Variants in SLC6A17 observed in about 807,000 individuals in gnomAD.
The protein encoded by SLC6A17 is sodium-dependent neutral amino acid transporter SLC6A17.
In SLC6A17, 21 loss-of-function variants were observed where a neutral mutation model predicts 64.5. The ratio of observed to expected loss-of-function variants is 0.33; its 90% confidence interval spans 0.23 to 0.47. The LOEUF is 0.47. SLC6A17 is among the 20% of genes least tolerant of loss of function. SLC6A17 has a pLI of 1.00. For synonymous variants in SLC6A17, 372 were observed against 399.5 expected, an observed-to-expected ratio of 0.93 and a Z score of 0.82; for missense variants, 682 against 963.2, an observed-to-expected ratio of 0.71 and a Z score of 3.86.
At chr1:110,161,570 A>G (rs544608106) in intron 1 of SLC6A17, among the ~76,000 whole-genome samples, 1 of 152,180 alleles carries the variant, frequency 6.6e-6, no homozygotes, top group African/African-American at 2.4e-5. Flanking sequence ...TGGTCGTTGT[A>G]ATTAGGTGAC....
chr1:110,172,141 G>T lies in SLC6A17; in HGVS notation c.368G>T (p.Arg123Met), dbSNP rs1348598187. The change falls in exon 3 of 12, where the codon AGG becomes ATG. Residue 123 changes from arginine to methionine, a missense_variant. Around this residue, in one of 3 missense-constraint regions of SLC6A17, gnomAD observed 415 missense variants for 603.8 expected, o/e 0.69. Transcript: ENST00000331565. ...LFFLELAVGQRIRRGSIGVWH... is the reference protein window; with the variant it reads ...LFFLELAVGQMIRRGSIGVWH... ...TTCCTGGAGCTGGCTGTGGGTCAGA[G>T]GATCCGCCGCGGCAGCATCGGTGTG... 1 of 1,613,938 alleles carries T rather than the reference G, an allele frequency of 6.2e-7. No homozygotes were observed. The highest frequency in any genetic ancestry group is 1.1e-5 in the South Asian group (1 of 91,014).
At chr1:110,175,866 C>CG (rs1424167687) in intron 5 of SLC6A17, among the ~76,000 whole-genome samples, 1 of 152,120 alleles carries the variant, frequency 6.6e-6, no homozygotes, top group Non-Finnish European at 1.5e-5. Flanking sequence ...TCCACAACAA[C>CG]GTTATGAGTT....
chr1:110,188,728 A>T (rs927495966), intron 6 of SLC6A17, among the ~76,000 whole-genome samples: 5 of 152,236 alleles, frequency 3.3e-5, no homozygotes, highest in African/African-American at 7.2e-5. Flanking sequence ...AAGACAACAT[A>T]TAAAAATGCA....
chr1:110,178,323 G>C (rs952410799), intron 6 of SLC6A17, among the ~76,000 whole-genome samples: 1 of 152,178 alleles, frequency 6.6e-6, no homozygotes, highest in Non-Finnish European at 1.5e-5. Flanking sequence ...CTAGGAGCAA[G>C]AGGAACAGAT....
chr1:110,182,682 T>C (rs759878237), intron 6 of SLC6A17, among the ~76,000 whole-genome samples: 4 of 148,892 alleles, frequency 2.7e-5, no homozygotes, highest in Non-Finnish European at 5.9e-5. Flanking sequence ...GTGAAGAAAA[T>C]GTTTTAAGAA....
chr1:110,169,366 T>C (rs1395923416), intron 2 of SLC6A17, among the ~76,000 whole-genome samples: 1 of 152,214 alleles, frequency 6.6e-6, no homozygotes, highest in Non-Finnish European at 1.5e-5. Context: ...TCAAAGCTTA[T>C]GAAATGGCCA....
Position 110,163,018 on chromosome 1 carries a change from TAAA to T in SLC6A17, c.-87-3803_-87-3801del, listed in dbSNP as rs67702050. Among the ~76,000 whole-genome samples the T allele has an allele frequency of 9.0e-3, 923 of 102,150 alleles. 10 individuals are homozygous for T. The highest frequency in any genetic ancestry group is 0.03 in the African/African-American group (775 of 25,586). The allele number at this position is 102,150 out of a possible 152,430, so 67.0% of individuals were successfully genotyped here. On this transcript the variant is annotated intron_variant, in intron 1 of 11. Transcript: ENST00000331565. ...GAGCAGGATCACCAACCCATGTTGG[TAAA>T]AAAAAAAAAAAAAAAAAAAAATGGT... is the stretch of plus-strand genomic sequence containing the variant.
intron 9 of SLC6A17, chr1:110,195,038 G>T (rs1656924093): frequency 3.9e-6 from 2 of 516,466 alleles, no homozygotes; most frequent in Non-Finnish European, 7.0e-6. Flanking sequence ...CTCCCCAAGG[G>T]CCTGCTGAGT....
chr1:110,188,922 C>T (rs1431575156), intron 6 of SLC6A17, among the ~76,000 whole-genome samples: 1 of 152,158 alleles, frequency 6.6e-6, no homozygotes, highest in Non-Finnish European at 1.5e-5. Flanking sequence ...CCCCCTGTGG[C>T]CTCCTGCGTG....
chr1:110,173,892 CGTGCT>C, intron 3 of SLC6A17, 76 bp from the exon 4 acceptor site: 5 of 1,552,172 alleles, frequency 3.2e-6, no homozygotes, highest in South Asian at 2.5e-5. Flanking sequence ...GCGCTGCCGA[CGTGCT>C]GGGCCTCGGG....
At chr1:110,176,963 C>T (rs1288142120) in intron 6 of SLC6A17, among the ~76,000 whole-genome samples, 1 of 152,172 alleles carries the variant, frequency 6.6e-6, no homozygotes, top group Non-Finnish European at 1.5e-5. Context: ...GAAAAGGCTT[C>T]AGAGAGGAGG....
intron 1 of SLC6A17, 62 bp downstream of exon 1, chr1:110,150,945 C>G (rs1473505351): frequency 6.6e-6 from 1 of 152,248 alleles, no homozygotes. Context: ...TTTCCCTGTT[C>G]TGGCCCCGCC....
chr1:110,183,092 G>C (rs1656576815), intron 6 of SLC6A17, among the ~76,000 whole-genome samples: 1 of 152,186 alleles, frequency 6.6e-6, no homozygotes, highest in African/African-American at 2.4e-5. Flanking sequence ...AACAGAGTTA[G>C]CATATGACCC....
In SLC6A17 at chr1:110,199,707, A is replaced by C; in HGVS notation, c.*1263A>C. Reference sequence around the variant, plus strand: ...AGGGCTGGTCTTCAGGATGGAGGCCAGCCTGTGCAGAAGGCTGCAGCTGAC... The same window carrying C: ...AGGGCTGGTCTTCAGGATGGAGGCCCGCCTGTGCAGAAGGCTGCAGCTGAC... On this transcript the variant is annotated 3_prime_UTR_variant, in exon 12 of 12. Coordinates refer to ENST00000331565, the MANE Select transcript of SLC6A17 (RefSeq NM_001010898.4). 2.8e-6 allele frequency: 1 copy of C among 352,602 alleles called. No individual in the cohort carries two copies. 21.8% of individuals were successfully genotyped at this position (352,602 alleles called of 1,614,324 possible).
Position 110,198,602 on chromosome 1 carries a change from ACT to A in SLC6A17, c.*161_*162del, listed in dbSNP as rs1396056068. On this transcript the variant is annotated 3_prime_UTR_variant, in exon 12 of 12. Coordinates refer to ENST00000331565, the MANE Select transcript of SLC6A17 (RefSeq NM_001010898.4). ...TCACTCCCCTCTTCAGTCCCAGTAG[ACT>A]CTGCTCCCTAGCCCTGAGCAGGAGG... 1.1e-5 allele frequency: 14 copies of A among 1,270,056 alleles called. No individual in the cohort carries two copies. In the East Asian group the frequency reaches 2.2e-4, roughly 20 times the overall value. The allele number at this position is 1,270,056 out of a possible 1,614,324, so 78.7% of individuals were successfully genotyped here.
chr1:110,162,247 T>A (rs1655932054), intron 1 of SLC6A17, among the ~76,000 whole-genome samples: 1 of 152,212 alleles, frequency 6.6e-6, no homozygotes, highest in Non-Finnish European at 1.5e-5. Context: ...TCTACCATGC[T>A]CCAGTGGGCT....
chr1:110,184,362 C>A (rs1371460156), intron 6 of SLC6A17, among the ~76,000 whole-genome samples: 1 of 152,202 alleles, frequency 6.6e-6, no homozygotes, highest in Non-Finnish European at 1.5e-5. Flanking sequence ...ACCTCGGCCT[C>A]CCAAAGTGCT....
In SLC6A17 at chr1:110,172,060, G is replaced by C. The variant is rs1379130039; in HGVS notation, c.287G>C (p.Gly96Ala). Residue 96 changes from glycine to alanine, a missense_variant and splice_region_variant, in exon 3 of 12, where the codon GGT (glycine) becomes GCT (alanine). Gly to Ala is a moderately conservative substitution (Grantham distance 60). Transcript: ENST00000331565. ...FPYLCQKNGG[G>A]AYLVPYLVLL... Reference sequence around the variant, plus strand: ...TGCCATCCCTCTGCTCTCCCCACAGGTGCTTACCTGGTGCCCTACCTGGTG... The same window carrying C: ...TGCCATCCCTCTGCTCTCCCCACAGCTGCTTACCTGGTGCCCTACCTGGTG... 1 of 1,613,878 alleles carries C rather than the reference G, an allele frequency of 6.2e-7. No individual in the cohort carries two copies. The highest frequency in any genetic ancestry group is 8.5e-7 in the Non-Finnish European group (1 of 1,179,968).
chr1:110,196,351 T>C (rs1656968403), intron 10 of SLC6A17, among the ~76,000 whole-genome samples: 1 of 152,224 alleles, frequency 6.6e-6, no homozygotes, highest in Non-Finnish European at 1.5e-5. Flanking sequence ...ACATTGTCCT[T>C]GTCCTTGGCA....
Sources: gnomAD v4.1 joint callset for allele counts (sites outside exome capture counted in the v4.1 genomes callset) on GRCh38, gnomAD v4.1.1 for gene constraint, gnomAD v4.1.1 regional missense constraint, MANE v1.5 for transcripts, NCBI Gene and HGNC (gene_info 2026-07-23, HGNC 2026-07-21) for gene names.